PRKG1: variants seen among roughly 807,000 people sequenced by gnomAD.
The protein encoded by PRKG1 is protein kinase cGMP-dependent 1.
PRKG1 carries 35 observed loss-of-function variants against 88.1 expected under a neutral mutation model. That is an observed-to-expected ratio of 0.40 (90% CI 0.30 to 0.53). The LOEUF (loss-of-function observed/expected upper bound fraction) is 0.53, where lower values mean the gene tolerates loss of function less well. PRKG1 is among the 20% of genes least tolerant of loss of function. The pLI is 0.59. For missense variants in PRKG1, 540 were observed against 839.8 expected, an observed-to-expected ratio of 0.64 and a Z score of 4.41; for synonymous variants, 303 against 292.5, an observed-to-expected ratio of 1.04 and a Z score of -0.37.
chr10:51,919,305 C>G (rs533929139), intron 5 of PRKG1, among the ~76,000 whole-genome samples: 2 of 152,106 alleles, frequency 1.3e-5, no homozygotes, highest in South Asian at 2.1e-4. Context: ...CAAACCGTGA[C>G]CAACCAAGGC....
intron 2 of PRKG1, among the ~76,000 whole-genome samples, chr10:51,383,304 G>GC (rs1358564753): frequency 6.6e-6 from 1 of 152,060 alleles, no homozygotes; most frequent in Non-Finnish European, 1.5e-5. Context: ...GTAGAATGAG[G>GC]AGGAGTAGAA....
chr10:51,200,475 T>C (rs1306030533), intron 2 of PRKG1, among the ~76,000 whole-genome samples: 2 of 152,238 alleles, frequency 1.3e-5, no homozygotes, highest in Non-Finnish European at 2.9e-5. Context: ...GAAAATGATT[T>C]TGAATAGGGG....
chr10:51,369,242 A>G (rs1035244380), intron 2 of PRKG1, among the ~76,000 whole-genome samples: 3 of 152,058 alleles, frequency 2.0e-5, no homozygotes, highest in Non-Finnish European at 4.4e-5. Context: ...GGTGGCTTAT[A>G]AACAATAGAA....
At chr10:51,262,936 G>A (rs906621040) in intron 2 of PRKG1, among the ~76,000 whole-genome samples, 3 of 152,166 alleles carry the variant, frequency 2.0e-5, no homozygotes, top group Admixed American at 1.3e-4. Context: ...TTTGGATGGG[G>A]ACACAGAACT....
rs562715952 is a variant in PRKG1 at position 51,902,198 on chromosome 10, C to A, written c.699-5309C>A. Among the ~76,000 whole-genome samples the A allele has an allele frequency of 1.3e-3, 200 of 152,254 alleles. 1 individual carries two copies. The highest frequency in any genetic ancestry group is 4.6e-3 in the African/African-American group (193 of 41,550). On this transcript the variant is annotated intron_variant, in intron 4 of 17. Coordinates refer to ENST00000373980, the MANE Select transcript of PRKG1 (RefSeq NM_006258.4). ...GTGGTGTGATCTCAGCTCACCGCAA[C>A]TTCTGCCTCCCGGGTTCAAGCAATT...
At chr10:51,739,282 T>C (rs1837370500) in intron 3 of PRKG1, among the ~76,000 whole-genome samples, 1 of 152,196 alleles carries the variant, frequency 6.6e-6, no homozygotes, top group Non-Finnish European at 1.5e-5. Context: ...ATAAGGACAT[T>C]ATTCTCCTAT....
At chr10:51,818,421 A>G (rs1394960544) in intron 4 of PRKG1, among the ~76,000 whole-genome samples, 2 of 152,220 alleles carry the variant, frequency 1.3e-5, no homozygotes, top group African/African-American at 4.8e-5. Context: ...GATTACAAAA[A>G]AAAATCAAAC....
intron 1 of PRKG1, among the ~76,000 whole-genome samples, chr10:51,093,828 ACACACACG>A (rs1844459849): frequency 6.7e-6 from 1 of 149,538 alleles, no homozygotes; most frequent in African/African-American, 2.5e-5. Context: ...ACACACACAC[ACACACACG>A]CCATGCACTC....
rs1236163452 is a variant in PRKG1 at position 51,405,212 on chromosome 10, C to T, written c.479-62511C>T. On this transcript the variant is annotated intron_variant, in intron 2 of 17. Transcript: ENST00000373980. ...AATTTACTGTACAGATGCTCCTTGACTTATGATGGGATTACATCCTGATAA... is the reference window on the plus strand; with the variant it reads ...AATTTACTGTACAGATGCTCCTTGATTTATGATGGGATTACATCCTGATAA... Among the ~76,000 whole-genome samples, 8 of 152,148 alleles carry T rather than the reference C, an allele frequency of 5.3e-5. No homozygotes were observed. The East Asian group carries it at 1.3e-3, about 26-fold the overall frequency.
chr10:51,470,683 A>G (rs10997680), intron 3 of PRKG1, among the ~76,000 whole-genome samples: 66,970 of 151,654 alleles, frequency 0.44, 15,366 homozygotes, highest in African/African-American at 0.5. Context: ...CAGTGACTTC[A>G]TCAGCTAATG....
At chr10:51,897,966 G>A (rs549705783) in intron 4 of PRKG1, among the ~76,000 whole-genome samples, 1 of 151,972 alleles carries the variant, frequency 6.6e-6, no homozygotes, top group East Asian at 1.9e-4. Context: ...CTCTTACAAT[G>A]ATCTATAAGC....
intron 2 of PRKG1, among the ~76,000 whole-genome samples, chr10:51,206,969 G>A (rs561316907): frequency 6.6e-6 from 1 of 152,068 alleles, no homozygotes; most frequent in Non-Finnish European, 1.5e-5. Flanking sequence ...AAAATGAATC[G>A]TATTTGTTAG....
intron 1 of PRKG1, among the ~76,000 whole-genome samples, chr10:51,122,858 A>T (rs146440899): frequency 3.5e-4 from 54 of 152,294 alleles, no homozygotes; most frequent in African/African-American, 1.2e-3. Flanking sequence ...AAAACCAGGT[A>T]TCTTCCTGTC....
At chr10:51,136,027 T>C (rs1023608157) in intron 1 of PRKG1, among the ~76,000 whole-genome samples, 4 of 149,980 alleles carry the variant, frequency 2.7e-5, no homozygotes, top group African/African-American at 7.4e-5. Flanking sequence ...AAATGACGAG[T>C]TAATGGGTGC....
At chr10:51,355,463 A>C (rs1279308213) in intron 2 of PRKG1, among the ~76,000 whole-genome samples, 1 of 152,016 alleles carries the variant, frequency 6.6e-6, no homozygotes, top group Non-Finnish European at 1.5e-5. Context: ...TTTCTCCCCC[A>C]CACTGTGCTT....
chr10:51,310,970 T>A (rs1343672684), intron 2 of PRKG1, among the ~76,000 whole-genome samples: 1 of 152,092 alleles, frequency 6.6e-6, no homozygotes, highest in African/African-American at 2.4e-5. Flanking sequence ...GGTGTTAGGT[T>A]AGGTTGAGTC....
chr10:51,337,438 G>T (rs1387368406), intron 2 of PRKG1, among the ~76,000 whole-genome samples: 1 of 152,056 alleles, frequency 6.6e-6, no homozygotes, highest in African/African-American at 2.4e-5. Context: ...AAAAGCTTCT[G>T]CACAGCAAAA....
intron 2 of PRKG1, among the ~76,000 whole-genome samples, chr10:51,277,076 A>G (rs1840143223): frequency 6.6e-6 from 1 of 152,168 alleles, no homozygotes; most frequent in African/African-American, 2.4e-5. Context: ...GTTTTCTTCT[A>G]GGGTTTTTAT....
chr10:52,215,081 G>T (rs951869337), intron 9 of PRKG1, among the ~76,000 whole-genome samples: 1 of 151,034 alleles, frequency 6.6e-6, no homozygotes, highest in Non-Finnish European at 1.5e-5. Flanking sequence ...ATTTTGGAGA[G>T]ATGTATTATT....
Sources: gnomAD v4.1 joint callset for allele counts (sites outside exome capture counted in the v4.1 genomes callset) on GRCh38, gnomAD v4.1.1 for gene constraint, MANE v1.5 for transcripts, NCBI Gene and HGNC (gene_info 2026-07-23, HGNC 2026-07-21) for gene names.